CNTNAP3B: variants seen among roughly 807,000 people sequenced by gnomAD.
CNTNAP3B encodes the protein contactin-associated protein-like 3B.
A neutral mutation model predicts 108.9 loss-of-function variants in CNTNAP3B; 25 were observed. The ratio of observed to expected loss-of-function variants is 0.23; its 90% CI spans 0.17 to 0.32. CNTNAP3B has a LOEUF of 0.32. Among genes scored for constraint, CNTNAP3B ranks in the 10% least tolerant of loss-of-function variants. The probability of loss-of-function intolerance (pLI) is 1.00; values close to 1 mark genes in which losing one functional copy is unlikely to be tolerated. For synonymous variants in CNTNAP3B, 103 were observed against 473.4 expected (o/e 0.22, Z 10.16); for missense variants, 252 against 1,210.4 (o/e 0.21, Z 11.75).
At chr9:41,958,985 T>C (rs1824966522) in intron 12 of CNTNAP3B, among the ~76,000 whole-genome samples, 1 of 139,892 alleles carries the variant, frequency 7.1e-6, no homozygotes, top group South Asian at 2.3e-4. Context: ...ACATCAAACA[T>C]CCAACAATTC....
intron 17 of CNTNAP3B, among the ~76,000 whole-genome samples, chr9:41,921,913 G>A (rs1476054050): frequency 6.8e-6 from 1 of 147,376 alleles, no homozygotes; most frequent in East Asian, 1.9e-4. Flanking sequence ...GTGGACCCTG[G>A]AGGACTTCTG....
intron 15 of CNTNAP3B, among the ~76,000 whole-genome samples, chr9:41,928,625 C>T (rs1324895902): frequency 1.3e-5 from 2 of 152,034 alleles, no homozygotes; most frequent in Non-Finnish European, 1.5e-5. Flanking sequence ...AGAAGTAGCC[C>T]CCACACATTG....
chr9:41,935,765 C>G (rs1824138399), intron 14 of CNTNAP3B, among the ~76,000 whole-genome samples: 1 of 152,270 alleles, frequency 6.6e-6, no homozygotes, highest in East Asian at 1.9e-4. Flanking sequence ...CCACAATGCT[C>G]CCTTCTGAAT....
chr9:42,115,069 ATACT>A (rs1275981424), intron 1 of CNTNAP3B, among the ~76,000 whole-genome samples: 1 of 137,128 alleles, frequency 7.3e-6, no homozygotes, highest in African/African-American at 2.9e-5. Flanking sequence ...AAAAAAAGAA[ATACT>A]TACAATGAAA....
In CNTNAP3B at chr9:42,094,017, G is replaced by T. The variant is rs1827849071; in HGVS notation, c.196+10612C>A. On this transcript the variant is annotated intron_variant, in intron 2 of 23. Coordinates refer to ENST00000377561, the MANE Select transcript of CNTNAP3B (RefSeq NM_001201380.3). ...TTATAACTGAGGAAACAAAAACTCA[G>T]GGAGATAAAGGAATTTGTCCAAAGT... is the stretch of plus-strand genomic sequence containing the variant. Among the ~76,000 whole-genome samples the T allele has an allele frequency of 1.5e-5, 2 of 132,682 alleles. 1 individual carries two copies. The highest frequency in any genetic ancestry group is 1.5e-4 in the Admixed American group (2 of 13,006). The allele number at this position is 132,682 out of a possible 152,430, so 87.0% of individuals were successfully genotyped here.
At chr9:41,925,594 AAAACAAAC>A (rs774665244) in intron 15 of CNTNAP3B, among the ~76,000 whole-genome samples, 60 of 151,498 alleles carry the variant, frequency 4.0e-4, no homozygotes, top group African/African-American at 9.7e-4. Context: ...CTCCATCTCA[AAAACAAAC>A]AAACAAACAA....
At chr9:41,936,449 G>GC (rs1328718228) in intron 14 of CNTNAP3B, among the ~76,000 whole-genome samples, 1 of 152,240 alleles carries the variant, frequency 6.6e-6, no homozygotes, top group Non-Finnish European at 1.5e-5. Context: ...ACAGCCAGGA[G>GC]CTGGAGGGCT....
intron 14 of CNTNAP3B, among the ~76,000 whole-genome samples, chr9:41,933,091 CCACACAAGTAAAAA>C (rs1250239917): frequency 2.0e-5 from 3 of 152,258 alleles, no homozygotes; most frequent in Non-Finnish European, 2.9e-5. Flanking sequence ...TTGCTGCAAT[CCACACAAGTAAAAA>C]CACTTGGCAT....
intron 11 of CNTNAP3B, among the ~76,000 whole-genome samples, chr9:41,962,976 C>A (rs1286243233): frequency 1.4e-5 from 2 of 147,144 alleles, no homozygotes; most frequent in Admixed American, 6.8e-5. Flanking sequence ...AACAAACAAA[C>A]AAAAAAAAGA....
rs1180193653 is a variant in CNTNAP3B, at chr9:42,104,253, G to C, written c.196+376C>G. ...AAATAGGGATAATTAAATAATCTGG[G>C]ACAACAAAATGTATACTGTGGCAGA... is the stretch of plus-strand genomic sequence containing the variant. On this transcript the variant is annotated intron_variant, in intron 2 of 23. Transcript: ENST00000377561. Among the ~76,000 whole-genome samples the C allele has an allele frequency of 3.0e-5, 3 of 98,932 alleles. 1 individual carries two copies. The highest frequency in any genetic ancestry group is 1.2e-4 in the Admixed American group (1 of 8,646). The allele number at this position is 98,932 out of a possible 152,430, so 64.9% of individuals were successfully genotyped here. A position where few individuals can be genotyped will look rare whatever the true frequency, so the allele number is the denominator to read the frequency against.
Position 41,924,090 on chromosome 9 carries a change from G to T in CNTNAP3B, c.2369C>A (p.Ser790Ter). Residue 790 changes from serine to a stop codon, truncating the protein, a stop_gained, in exon 16 of 24, where the codon TCA (serine) becomes TAA (stop). Coordinates refer to ENST00000377561, the MANE Select transcript of CNTNAP3B (RefSeq NM_001201380.3). LOFTEE classifies it high-confidence loss of function. Reference sequence around the variant, plus strand: ...GTTGAAGGAAGCTGAATTCCAAAATGACTCTGTTTACAATAGAGAAAACGA... The same window carrying T: ...GTTGAAGGAAGCTGAATTCCAAAATTACTCTGTTTACAATAGAGAAAACGA... ...LGPLLCRGDK[S>*]FWNSASFNTE... The T allele has an allele frequency of 6.2e-7, 1 of 1,612,142 alleles. No homozygotes were observed. The highest frequency in any genetic ancestry group is 8.5e-7 in the Non-Finnish European group (1 of 1,179,882).
intron 1 of CNTNAP3B, among the ~76,000 whole-genome samples, chr9:42,128,259 T>C (rs1704667565): frequency 7.1e-6 from 1 of 140,160 alleles, no homozygotes; most frequent in African/African-American, 2.8e-5. Context: ...ATTAGAATCA[T>C]AGCCCATTCT....
rs1265942038 is a variant in CNTNAP3B at position 42,012,272 on chromosome 9, T to A, written c.538+1106A>T. Among the ~76,000 whole-genome samples, 2 of 118,086 alleles carry A rather than the reference T, an allele frequency of 1.7e-5. 1 individual carries two copies. Among genetic ancestry groups the A allele is most frequent in the African/African-American group, 7.0e-5 (2 of 28,652 alleles). 77.5% of individuals were successfully genotyped at this position (118,086 alleles called of 152,430 possible). On this transcript the variant is annotated intron_variant, in intron 4 of 23. Transcript: ENST00000377561. ...GCCATTGAAACAGAGAGCACAGTTA[T>A]AGGTCCCAGAAAACACAGGGATGGA...
intron 12 of CNTNAP3B, among the ~76,000 whole-genome samples, chr9:41,958,986 C>G (rs928048875): frequency 7.1e-6 from 1 of 139,972 alleles, no homozygotes; most frequent in Non-Finnish European, 1.5e-5. Context: ...CATCAAACAT[C>G]CAACAATTCG....
intron 2 of CNTNAP3B, among the ~76,000 whole-genome samples, chr9:42,095,213 C>A (rs2118678393): frequency 7.2e-6 from 1 of 138,194 alleles, no homozygotes; most frequent in Non-Finnish European, 1.5e-5. Context: ...CACCATTCTA[C>A]TCTCTACTTC....
At chr9:42,079,305 G>C (rs1480956921) in intron 2 of CNTNAP3B, among the ~76,000 whole-genome samples, 96 of 135,746 alleles carry the variant, frequency 7.1e-4, no homozygotes, top group African/African-American at 2.7e-3. Flanking sequence ...GGAAAGCTGA[G>C]GGTGCAGTGC....
intron 3 of CNTNAP3B, among the ~76,000 whole-genome samples, chr9:42,066,163 T>A (rs1827260489): frequency 7.3e-6 from 1 of 137,488 alleles, no homozygotes; most frequent in South Asian, 2.4e-4. Context: ...TTTACATTAC[T>A]GAGTCTTCAT....
chr9:41,936,102 A>C (rs1824148278), intron 14 of CNTNAP3B, among the ~76,000 whole-genome samples: 1 of 152,296 alleles, frequency 6.6e-6, no homozygotes, highest in Non-Finnish European at 1.5e-5. Context: ...GCCAATAGTG[A>C]AACCCAGTCT....
chr9:42,063,649 TTTCC>T (rs1297186549), intron 3 of CNTNAP3B, among the ~76,000 whole-genome samples: 1 of 136,902 alleles, frequency 7.3e-6, no homozygotes, highest in African/African-American at 2.9e-5. Flanking sequence ...GCCTGCCTTT[TTTCC>T]TTCCTTCCTG....
Sources: gnomAD v4.1 joint callset for allele counts (sites outside exome capture counted in the v4.1 genomes callset) on GRCh38, gnomAD v4.1.1 for gene constraint, MANE v1.5 for transcripts, NCBI Gene and HGNC (gene_info 2026-07-23, HGNC 2026-07-21) for gene names.